Variants in CNTN4 observed in about 807,000 individuals in gnomAD.
CNTN4 encodes contactin-4.
In CNTN4, 77 loss-of-function variants were observed where a neutral mutation model predicts 122.5. That is an observed-to-expected ratio of 0.63 (90% CI 0.52 to 0.76). The LOEUF (loss-of-function observed/expected upper bound fraction) is 0.76. Among genes scored for constraint, CNTN4 ranks in the 30% least tolerant of loss-of-function variants. The pLI is 0.00. For synonymous variants in CNTN4, 512 were observed against 447.0 expected, an observed-to-expected ratio of 1.15 and a Z score of -1.83; for missense variants, 1,256 against 1,259.1, an observed-to-expected ratio of 1.00 and a Z score of 0.04.
rs2094154992 is a variant in CNTN4 at position 2,899,922 on chromosome 3, T to C, written c.941-763T>C. On this transcript the variant is annotated intron_variant, in intron 10 of 24. Transcript: ENST00000418658. ...AATCATAAAATTGATCTATACAACA[T>C]GTGGGAGTGAAGTATATTAGTGAGG... is the stretch of plus-strand genomic sequence containing the variant. 3.9e-5 allele frequency among the ~76,000 whole-genome samples: 6 copies of C among 152,236 alleles called. No homozygotes were observed. In the South Asian group the frequency reaches 1.3e-3, roughly 32 times the overall value.
intron 6 of CNTN4, among the ~76,000 whole-genome samples, chr3:2,758,668 A>G: frequency 6.6e-6 from 1 of 151,710 alleles, no homozygotes. Context: ...CACCACACGC[A>G]GCTGATTTTT....
chr3:2,177,542 C>T (rs1012763057), intron 2 of CNTN4, among the ~76,000 whole-genome samples: 1 of 152,008 alleles, frequency 6.6e-6, no homozygotes, highest in Admixed American at 6.6e-5. Flanking sequence ...TGTGCCAAAT[C>T]TAACTTCCAG....
intron 3 of CNTN4, among the ~76,000 whole-genome samples, chr3:2,504,611 T>C (rs564781699): frequency 6.6e-6 from 1 of 152,202 alleles, no homozygotes; most frequent in Non-Finnish European, 1.5e-5. Context: ...TGAAATGCTA[T>C]TGGAGAAAAC....
chr3:2,226,947 G>T (rs2039307582), intron 2 of CNTN4, among the ~76,000 whole-genome samples: 1 of 152,022 alleles, frequency 6.6e-6, no homozygotes, highest in Admixed American at 6.5e-5. Flanking sequence ...TATAAATGAA[G>T]AAATTGAGGC....
intron 7 of CNTN4, among the ~76,000 whole-genome samples, chr3:2,864,313 A>G (rs1238748102): frequency 1.3e-5 from 2 of 152,270 alleles, no homozygotes; most frequent in Non-Finnish European, 2.9e-5. Flanking sequence ...CTCCAATTAG[A>G]AAAAGAATGA....
intron 2 of CNTN4, among the ~76,000 whole-genome samples, chr3:2,244,974 C>G (rs749261656): frequency 6.6e-6 from 1 of 151,982 alleles, no homozygotes; most frequent in Non-Finnish European, 1.5e-5. Flanking sequence ...AAGGCTTAAT[C>G]AACCTACTGT....
chr3:2,291,628 A>G (rs1378238909), intron 2 of CNTN4, among the ~76,000 whole-genome samples: 1 of 152,070 alleles, frequency 6.6e-6, no homozygotes, highest in African/African-American at 2.4e-5. Context: ...AATTCACTGA[A>G]GTCCTTATGA....
intron 6 of CNTN4, among the ~76,000 whole-genome samples, chr3:2,760,821 T>A (rs2090557062): frequency 6.6e-6 from 1 of 152,204 alleles, no homozygotes; most frequent in Non-Finnish European, 1.5e-5. Context: ...TCCCCAAATT[T>A]GAGGTAGAAC....
intron 7 of CNTN4, among the ~76,000 whole-genome samples, chr3:2,832,015 T>C (rs1163403962): frequency 6.6e-6 from 1 of 152,244 alleles, no homozygotes; most frequent in Non-Finnish European, 1.5e-5. Context: ...GAGGTAGCTA[T>C]GACAGCTCTC....
chr3:2,141,541 A>G (rs572911320), intron 2 of CNTN4, among the ~76,000 whole-genome samples: 1 of 152,252 alleles, frequency 6.6e-6, no homozygotes, highest in African/African-American at 2.4e-5. Context: ...CCAGAACTGT[A>G]AGATAGTAAA....
intron 3 of CNTN4, among the ~76,000 whole-genome samples, chr3:2,382,879 G>C (rs1442545742): frequency 1.3e-5 from 2 of 152,084 alleles, no homozygotes; most frequent in Non-Finnish European, 2.9e-5. Context: ...TTCGAGACCA[G>C]CCTGGCCAAC....
chr3:2,566,948 A>T (rs1340170583), intron 3 of CNTN4, among the ~76,000 whole-genome samples: 2 of 152,236 alleles, frequency 1.3e-5, no homozygotes, highest in Non-Finnish European at 2.9e-5. Flanking sequence ...CAAAAAAGGT[A>T]AAATAGATAT....
intron 6 of CNTN4, among the ~76,000 whole-genome samples, chr3:2,815,945 G>A (rs926460310): frequency 8.0e-5 from 12 of 150,720 alleles, no homozygotes; most frequent in African/African-American, 1.7e-4. Context: ...TTGCAGTGAC[G>A]TGGATGAGAT....
At chr3:2,594,805 C>A (rs956839258) in intron 4 of CNTN4, among the ~76,000 whole-genome samples, 1 of 152,012 alleles carries the variant, frequency 6.6e-6, no homozygotes, top group East Asian at 1.9e-4. Context: ...TCTGTACCTC[C>A]TGTAATTGTC....
Position 3,053,877 on chromosome 3 carries a change from C to T in CNTN4, c.2882C>T (p.Ser961Phe), listed in dbSNP as rs1701522141. 7 of 1,614,152 alleles carry T rather than the reference C, an allele frequency of 4.3e-6. No individual in the cohort carries two copies. Among genetic ancestry groups the T allele is most frequent in the Non-Finnish European group, 5.9e-6 (7 of 1,180,002 alleles). Residue 961 changes from serine (S) to phenylalanine (F), a missense_variant, in exon 24 of 25, where the codon TCT becomes TTT. By Grantham distance (155) the Ser-to-Phe change is radical. Transcript: ENST00000418658. The stretch of plus-strand genomic sequence containing the variant: ...ACAAATAAAACATCGGTGGAGCTTT[C>T]TTTGCCTTTCGATGAAGATTATATA... The part of the protein sequence containing the change: ...IETNKTSVEL[S>F]LPFDEDYIIE...
chr3:2,148,867 T>C (rs1393226758), intron 2 of CNTN4, among the ~76,000 whole-genome samples: 1 of 152,100 alleles, frequency 6.6e-6, no homozygotes, highest in Non-Finnish European at 1.5e-5. Flanking sequence ...GTGAAATGTA[T>C]ATTTAATACT....
At chr3:2,346,812 A>G (rs182656455) in intron 3 of CNTN4, among the ~76,000 whole-genome samples, 1 of 152,114 alleles carries the variant, frequency 6.6e-6, no homozygotes, top group Non-Finnish European at 1.5e-5. Context: ...CCAAGTATGC[A>G]TTTTTGTTGA....
chr3:2,460,426 T>G (rs1419291377), intron 3 of CNTN4, among the ~76,000 whole-genome samples: 1 of 152,154 alleles, frequency 6.6e-6, no homozygotes, highest in Non-Finnish European at 1.5e-5. Context: ...GTTCTGTGAA[T>G]GCTTGATACC....
intron 6 of CNTN4, among the ~76,000 whole-genome samples, chr3:2,805,557 T>C (rs1468698507): frequency 3.3e-5 from 5 of 152,170 alleles, no homozygotes; most frequent in Non-Finnish European, 5.9e-5. Context: ...TGAGTAACTC[T>C]CTTAAACTCA....
Sources: gnomAD v4.1 joint callset for allele counts (sites outside exome capture counted in the v4.1 genomes callset) on GRCh38, gnomAD v4.1.1 for gene constraint, MANE v1.5 for transcripts, NCBI Gene and HGNC (gene_info 2026-07-23, HGNC 2026-07-21) for gene names.